Variants in SELP observed in about 807,000 individuals in gnomAD.
SELP encodes selectin P, also known as P-selectin.
In SELP, 92 loss-of-function variants were observed where a neutral mutation model predicts 104.1. That is an observed-to-expected ratio of 0.88 (90% CI 0.75 to 1.05). The LOEUF (loss-of-function observed/expected upper bound fraction) is 1.05, where lower values mean the gene tolerates loss of function less well. SELP is among the 50% of genes least tolerant of loss of function. The probability of loss-of-function intolerance (pLI) is 0.00; values close to 1 mark genes in which losing one functional copy is unlikely to be tolerated. For synonymous variants in SELP, 397 were observed against 364.5 expected (o/e 1.09, Z -1.01); for missense variants, 1,022 against 1,017.3 (o/e 1.00, Z -0.06).
At chr1:169,591,022 A>G (rs1378047148) in intron 15 of SELP, among the ~76,000 whole-genome samples, 1 of 152,146 alleles carries the variant, frequency 6.6e-6, no homozygotes, top group African/African-American at 2.4e-5. Flanking sequence ...TCTTTACCGG[A>G]GTTGTTCACC....
intron 1 of SELP, among the ~76,000 whole-genome samples, chr1:169,620,869 G>A (rs1447109524): frequency 1.4e-5 from 2 of 145,412 alleles, no homozygotes; most frequent in Non-Finnish European, 3.0e-5. Flanking sequence ...GGCTGCATGG[G>A]ACTGTGTGGA....
At position 169,616,981 on chromosome 1, in the gene SELP, G is replaced by C. The variant is rs772605712; in HGVS notation, c.481+47C>G. ...TATGTTGGCCAACCAGAGAAGGCAG[G>C]GTTTTTTTTTTTTAACAGGAAAGTT... On this transcript the variant is annotated intron_variant, in intron 3 of 16. Coordinates refer to ENST00000263686, the MANE Select transcript of SELP (RefSeq NM_003005.4). The C allele has an allele frequency of 6.2e-5, 92 of 1,492,474 alleles. No individual in the cohort carries two copies. The South Asian group carries it at 1.2e-3, about 19-fold the overall frequency. 92.5% of individuals were successfully genotyped at this position (1,492,474 alleles called of 1,614,324 possible).
chr1:169,600,297 T>C (rs943812875), intron 10 of SELP, among the ~76,000 whole-genome samples: 2 of 152,208 alleles, frequency 1.3e-5, no homozygotes, highest in African/African-American at 4.8e-5. Context: ...GTATGTTGAA[T>C]CCATGCAGAT....
At chr1:169,617,567 G>A (rs1207860299) in intron 2 of SELP, among the ~76,000 whole-genome samples, 153 bp from the exon 3 acceptor site, 1 of 152,104 alleles carries the variant, frequency 6.6e-6, no homozygotes, top group African/African-American at 2.4e-5. Context: ...GTTGTTTGAA[G>A]GAAAAAGAGT....
chr1:169,616,858 A>G (rs1662837231), intron 3 of SELP, among the ~76,000 whole-genome samples, 170 bp downstream of exon 3: 1 of 151,928 alleles, frequency 6.6e-6, no homozygotes, highest in African/African-American at 2.4e-5. Flanking sequence ...TCTAATTCTG[A>G]TCTTATATTC....
intron 8 of SELP, 129 bp downstream of exon 8, chr1:169,609,375 C>T: frequency 1.1e-6 from 1 of 903,402 alleles, no homozygotes; most frequent in Non-Finnish European, 1.6e-6. Context: ...GTCCCAAGCA[C>T]AAAGGACATG....
intron 3 of SELP, among the ~76,000 whole-genome samples, chr1:169,615,843 A>G (rs890272257): frequency 1.3e-5 from 2 of 152,208 alleles, no homozygotes; most frequent in African/African-American, 4.8e-5. Flanking sequence ...ATTCTGTTCC[A>G]TACCTGTACT....
Position 169,616,952 on chromosome 1 carries a change from T to A in SELP, c.481+76A>T. Reference sequence around the variant, plus strand: ...CCTTTGTATCTTTGTGTTGACTCGGTGGTTATGTTGGCCAACCAGAGAAGG... The same window carrying A: ...CCTTTGTATCTTTGTGTTGACTCGGAGGTTATGTTGGCCAACCAGAGAAGG... On this transcript the variant is annotated intron_variant, in intron 3 of 16. Transcript: ENST00000263686. The A allele has an allele frequency of 3.0e-6, 4 of 1,351,884 alleles. No individual in the cohort carries two copies. The South Asian group carries it at 8.1e-5, about 27-fold the overall frequency. The allele number at this position is 1,351,884 out of a possible 1,614,324, so 83.7% of individuals were successfully genotyped here. A position where few individuals can be genotyped will look rare whatever the true frequency, so the allele number is the denominator to read the frequency against.
intron 1 of SELP, among the ~76,000 whole-genome samples, chr1:169,621,447 T>A (rs1663133140): frequency 6.9e-6 from 1 of 145,054 alleles, no homozygotes; most frequent in Non-Finnish European, 1.5e-5. Context: ...TGTGTGTGTG[T>A]GTGTGTGTGT....
At position 169,613,103 on chromosome 1, in the gene SELP, C is replaced by T. The variant is rs1197268009; in HGVS notation, c.601G>A (p.Gly201Arg). 2 of 1,596,566 alleles carry T rather than the reference C, an allele frequency of 1.3e-6. No individual in the cohort carries two copies. The highest frequency in any genetic ancestry group is 1.3e-5 in the African/African-American group (1 of 74,306). The change falls in exon 5 of 17, where the codon GGA (glycine) becomes AGA (arginine). Residue 201 changes from glycine to arginine, a missense_variant. Gly to Arg is a moderately radical substitution (Grantham distance 125). Transcript: ENST00000263686. Reference sequence around the variant, plus strand: ...ACGTGTTGAGGGAGCTCAAGTTCTCCACACTCTCTCACTGCAGGAGACAAA... The same window carrying T: ...ACGTGTTGAGGGAGCTCAAGTTCTCTACACTCTCTCACTGCAGGAGACAAA... Reference protein sequence around the residue: ...GPECEYVRECGELELPQHVLM... With the variant: ...GPECEYVRECRELELPQHVLM...
At chr1:169,616,954 G>GTCTCT in intron 3 of SELP, 74 bp downstream of exon 3, 3 of 1,472,558 alleles carry the variant, frequency 2.0e-6, no homozygotes, top group South Asian at 1.4e-5. Context: ...TGACTCGGTG[G>GTCTCT]TTATGTTGGC....
In SELP at chr1:169,593,436, C is replaced by A. The variant is rs771031003; in HGVS notation, c.2407+169G>T. Among the ~76,000 whole-genome samples the A allele has an allele frequency of 4.6e-5, 7 of 152,264 alleles. No homozygotes were observed. In the South Asian group the frequency reaches 1.0e-3, roughly 23 times the overall value. On this transcript the variant is annotated intron_variant, in intron 14 of 16. Transcript: ENST00000263686. ...AAGTTCCCTAGGTGATTCTAATGGA[C>A]AATCAGTTCTCAAGATCACTTATCT...
chr1:169,613,512 A>C (rs1229483421), intron 4 of SELP, 74 bp downstream of exon 4: 6 of 1,171,358 alleles, frequency 5.1e-6, no homozygotes, highest in Non-Finnish European at 7.6e-6. Context: ...GAGAGACTTC[A>C]ACATGATTTA....
chr1:169,608,775 G>A (rs1181073950), intron 8 of SELP, among the ~76,000 whole-genome samples: 4 of 152,042 alleles, frequency 2.6e-5, no homozygotes, highest in Non-Finnish European at 5.9e-5. Context: ...ATTGCTCAGA[G>A]GTCTCCGTAA....
In SELP at chr1:169,603,293, C is replaced by A. The variant is rs143589415; in HGVS notation, c.1520-82G>T. The stretch of plus-strand genomic sequence containing the variant: ...GAACTCTGTAACTCTCTCTCTCTTT[C>A]TCCCTCTCTCTCTCTGTGTGTGTGT... On this transcript the variant is annotated intron_variant, in intron 9 of 16. Transcript: ENST00000263686. 1.5e-4 allele frequency: 139 copies of A among 922,766 alleles called. No individual in the cohort carries two copies. The African/African-American group carries it at 2.9e-3, about 19-fold the overall frequency. The allele number at this position is 922,766 out of a possible 1,614,324, so 57.2% of individuals were successfully genotyped here. A position where few individuals can be genotyped will look rare whatever the true frequency, so the allele number is the denominator to read the frequency against.
intron 9 of SELP, among the ~76,000 whole-genome samples, chr1:169,605,488 G>C (rs112021042): frequency 1.1e-4 from 17 of 150,652 alleles, no homozygotes; most frequent in East Asian, 3.9e-4. Context: ...TGTGTGTGTG[G>C]GGGGTGTGTG....
In SELP at chr1:169,609,945, AG is replaced by A. The variant is rs3917741; in HGVS notation, c.1148-257del. Among the ~76,000 whole-genome samples, 1,117 of 152,046 alleles carry A rather than the reference AG, an allele frequency of 7.3e-3. 21 individuals are homozygous for A. Among genetic ancestry groups the A allele is most frequent in the African/African-American group, 0.021 (855 of 41,420 alleles). On this transcript the variant is annotated intron_variant, in intron 7 of 16. Coordinates refer to ENST00000263686, the MANE Select transcript of SELP (RefSeq NM_003005.4). ...AAGCCCTCCCTTCCCACCTTAACTAAGGGTAGAAGCCCCTGCAATGTGCTCC... is the reference window on the plus strand; with the variant it reads ...AAGCCCTCCCTTCCCACCTTAACTAAGGTAGAAGCCCCTGCAATGTGCTCC...
chr1:169,592,591 A>T (rs1248438006), intron 14 of SELP, among the ~76,000 whole-genome samples: 1 of 152,224 alleles, frequency 6.6e-6, no homozygotes, highest in Non-Finnish European at 1.5e-5. Flanking sequence ...AGATTGAGAA[A>T]GGATGTTTTA....
intron 14 of SELP, among the ~76,000 whole-genome samples, chr1:169,591,802 A>G (rs1286664448): frequency 6.6e-6 from 1 of 152,142 alleles, no homozygotes; most frequent in Non-Finnish European, 1.5e-5. Flanking sequence ...AGAACAGTGG[A>G]TGTTTTTCCT....
Sources: gnomAD v4.1 joint callset for allele counts (sites outside exome capture counted in the v4.1 genomes callset) on GRCh38, gnomAD v4.1.1 for gene constraint, MANE v1.5 for transcripts, NCBI Gene and HGNC (gene_info 2026-07-23, HGNC 2026-07-21) for gene names.